Variants in TARS3 observed in about 807,000 individuals in gnomAD.
The protein encoded by TARS3 is threonine--tRNA ligase 2, cytoplasmic.
TARS3 carries 94 observed loss-of-function variants against 103.5 expected under a neutral mutation model. The observed-to-expected ratio is 0.91, with a 90% CI of 0.77 to 1.08. TARS3 has a LOEUF of 1.08. TARS3 is among the 50% of genes least tolerant of loss of function. The pLI is 0.00. For missense variants in TARS3, 952 were observed against 995.2 expected (o/e 0.96, Z 0.58); for synonymous variants, 416 against 355.4 (o/e 1.17, Z -1.92).
chr15:101,656,171 T>G (rs1479567746), intron 18 of TARS3, among the ~76,000 whole-genome samples: 1 of 152,250 alleles, frequency 6.6e-6, no homozygotes, highest in Non-Finnish European at 1.5e-5. Flanking sequence ...ACCTTTCATG[T>G]CATGGGATAC....
At chr15:101,700,263 C>A (rs545390732) in intron 10 of TARS3, among the ~76,000 whole-genome samples, 1 of 152,188 alleles carries the variant, frequency 6.6e-6, no homozygotes, top group Non-Finnish European at 1.5e-5. Flanking sequence ...CAGTCCTTAT[C>A]ATGTAAATAC....
intron 12 of TARS3, among the ~76,000 whole-genome samples, chr15:101,676,804 T>C (rs1186582822): frequency 2.4e-5 from 3 of 122,690 alleles, no homozygotes; most frequent in South Asian, 2.4e-4. Context: ...ACTACACCCT[T>C]TTTTTTTTTT....
At chr15:101,684,317 T>A in intron 11 of TARS3, 80 bp from the exon 12 acceptor site, 2 of 1,330,316 alleles carry the variant, frequency 1.5e-6, no homozygotes, top group Non-Finnish European at 2.0e-6. Context: ...GAAATTACAA[T>A]TAAGCCTCAA....
Position 101,716,143 on chromosome 15 carries a change from A to C in TARS3, c.567-1180T>G, listed in dbSNP as rs1271942884. Among the ~76,000 whole-genome samples the C allele has an allele frequency of 3.3e-5, 5 of 152,030 alleles. No homozygotes were observed. The South Asian group carries it at 6.2e-4, about 19-fold the overall frequency. On this transcript the variant is annotated intron_variant, in intron 3 of 18. Transcript: ENST00000335968. ...GCGATTCTCCTGCCTCGGCCTCCCG[A>C]GTAGCTGGGAATACAGGCGCAGGCC...
intron 18 of TARS3, among the ~76,000 whole-genome samples, chr15:101,654,976 G>A (rs904739121): frequency 3.3e-5 from 5 of 152,198 alleles, no homozygotes; most frequent in African/African-American, 7.2e-5. Context: ...AGAGGGGGGA[G>A]CTCTTACAGA....
chr15:101,709,476 A>G (rs1899747001), intron 5 of TARS3, among the ~76,000 whole-genome samples: 1 of 152,192 alleles, frequency 6.6e-6, no homozygotes, highest in Non-Finnish European at 1.5e-5. Flanking sequence ...ACAGTCCCAC[A>G]GAGGCCTGGA....
In TARS3 at chr15:101,684,153, C is replaced by A; in HGVS notation, c.1572G>T (p.Leu524=). The change falls in exon 12 of 19, where the codon CTG becomes CTT. Residue 524 remains leucine, a synonymous_variant. Coordinates refer to ENST00000335968, the MANE Select transcript of TARS3 (RefSeq NM_152334.3). ...ADFGVLHRNE[L]SGTLSGLTRV... ...TGGTCAAGCCGCTGAGAGTCCCCGA[C>A]AGTTCATTTCTATGCAGAACTCCAA... 1 of 1,614,082 alleles carries A rather than the reference C, an allele frequency of 6.2e-7. No homozygotes were observed. Among genetic ancestry groups the A allele is most frequent in the Admixed American group, 1.7e-5 (1 of 59,978 alleles).
Position 101,724,330 on chromosome 15 carries a change from CCTCCTGCCG to C in TARS3, c.49_57del (p.Arg17_Glu19del). The C allele has an allele frequency of 6.4e-7, 1 of 1,558,664 alleles. No homozygotes were observed. Among genetic ancestry groups the C allele is most frequent in the African/African-American group, 1.4e-5 (1 of 70,726 alleles). On this transcript the variant is annotated inframe_deletion, in exon 1 of 19. Transcript: ENST00000335968. The stretch of plus-strand genomic sequence containing the variant: ...TCCGACCACAGCCAGCGGATGTCCT[CCTCCTGCCG>C]CTCCAGGCGCGACGCCACGGCCTCC...
At chr15:101,720,510 T>C (rs961233011) in intron 3 of TARS3, among the ~76,000 whole-genome samples, 5 of 152,210 alleles carry the variant, frequency 3.3e-5, no homozygotes, top group Admixed American at 1.3e-4. Context: ...AAATGGCCTA[T>C]CAAGAATTAC....
chr15:101,656,806 G>A (rs1897210977), intron 18 of TARS3, 116 bp downstream of exon 18: 2 of 668,836 alleles, frequency 3.0e-6, no homozygotes, highest in African/African-American at 3.6e-5. Flanking sequence ...TTTTGTGTAA[G>A]TATTAAATAG....
chr15:101,721,683 T>TG (rs1340388166), intron 2 of TARS3, among the ~76,000 whole-genome samples: 1 of 152,148 alleles, frequency 6.6e-6, no homozygotes, highest in African/African-American at 2.4e-5. Context: ...GTAGTAGAGA[T>TG]GGGGTTTCGC....
intron 3 of TARS3, 30 bp downstream of exon 3, chr15:101,721,096 A>G (rs1198817474): frequency 1.3e-6 from 2 of 1,564,188 alleles, no homozygotes; most frequent in Non-Finnish European, 1.7e-6. Flanking sequence ...ATTACTTAAG[A>G]TTGAATATCT....
chr15:101,656,945 A>G lies in TARS3; in HGVS notation c.2237T>C (p.Leu746Pro), dbSNP rs1452811035. The G allele has an allele frequency of 6.2e-7, 1 of 1,611,684 alleles. No homozygotes were observed. The change falls in exon 18 of 19, where the codon CTG (leucine) becomes CCG (proline). Residue 746 changes from leucine (L) to proline (P), a missense_variant. Transcript: ENST00000335968. The stretch of plus-strand genomic sequence containing the variant: ...ACCCAAAATAAAATTATACTGAGCC[A>G]GCTGTGCATTTCGTATTTTCTTATT... ...TLNKKIRNAQ[L>P]AQYNFILVVG...
At chr15:101,723,748 A>T (rs962259377) in intron 1 of TARS3, among the ~76,000 whole-genome samples, 3 of 152,268 alleles carry the variant, frequency 2.0e-5, no homozygotes, top group Non-Finnish European at 4.4e-5. Context: ...CGCAGCTGTT[A>T]GTCTTTCTGA....
chr15:101,704,208 T>A (rs1189230398), intron 7 of TARS3, among the ~76,000 whole-genome samples: 1 of 152,228 alleles, frequency 6.6e-6, no homozygotes, highest in East Asian at 1.9e-4. Context: ...AAAAAGGGAC[T>A]GGCTTACAGA....
chr15:101,691,637 T>TATAGGACACAA (rs1424878794), intron 10 of TARS3, among the ~76,000 whole-genome samples: 2 of 152,212 alleles, frequency 1.3e-5, no homozygotes, highest in African/African-American at 4.8e-5. Flanking sequence ...AACATGATGT[T>TATAGGACACAA]ATAGGACACA....
rs1376051061 is a variant in TARS3 at position 101,654,474 on chromosome 15, G to C, written c.*108C>G. 14 of 1,156,060 alleles carry C rather than the reference G, an allele frequency of 1.2e-5. No homozygotes were observed. The African/African-American group carries it at 1.4e-4, about 12-fold the overall frequency. The allele number at this position is 1,156,060 out of a possible 1,614,324, so 71.6% of individuals were successfully genotyped here. On this transcript the variant is annotated 3_prime_UTR_variant, in exon 19 of 19. Coordinates refer to ENST00000335968, the MANE Select transcript of TARS3 (RefSeq NM_152334.3). ...TCTCCTTTCTCAGCTGAGGCCATGA[G>C]TGGACCCATCAGTGGCTCCAAAGTC...
intron 5 of TARS3, among the ~76,000 whole-genome samples, chr15:101,709,359 C>T (rs1333812634): frequency 6.6e-6 from 1 of 152,238 alleles, no homozygotes; most frequent in Admixed American, 6.5e-5. Context: ...CTCCGCTATG[C>T]ATGGACTAAC....
chr15:101,703,580 ACT>A (rs985910472), intron 8 of TARS3, among the ~76,000 whole-genome samples: 134 of 152,158 alleles, frequency 8.8e-4, no homozygotes, highest in African/African-American at 3.1e-3. Context: ...ACAGAGCAAG[ACT>A]CTGTCTCAGA....
Sources: gnomAD v4.1 joint callset for allele counts (sites outside exome capture counted in the v4.1 genomes callset) on GRCh38, gnomAD v4.1.1 for gene constraint, MANE v1.5 for transcripts, NCBI Gene and HGNC (gene_info 2026-07-23, HGNC 2026-07-21) for gene names.